The following PARD3B variants were observed in gnomAD, a reference collection of about 807,000 sequenced individuals.
PARD3B encodes par-3 family cell polarity regulator beta, also known as partitioning defective 3 homolog B.
A neutral mutation model predicts 130.2 loss-of-function variants in PARD3B; 103 were observed. The observed-to-expected ratio is 0.79, with a 90% CI of 0.67 to 0.93. The LOEUF (loss-of-function observed/expected upper bound fraction) is 0.93, where lower values mean the gene tolerates loss of function less well. Ranked by LOEUF, PARD3B falls within the 40% of genes least tolerant of loss-of-function variation. PARD3B has a pLI of 0.00. For missense variants in PARD3B, 1,609 were observed against 1,499.2 expected (o/e 1.07, Z -1.21); for synonymous variants, 583 against 553.2 (o/e 1.05, Z -0.76).
At position 205,418,285 on chromosome 2, in the gene PARD3B, G is replaced by T. The variant is rs568945828; in HGVS notation, c.2741+17162G>T. ...GATTTGGGTAGATATCTTCTGCTAT[G>T]ATTCACTTTTGACTTTTTAATTTTT... On this transcript the variant is annotated intron_variant, in intron 19 of 22. Transcript: ENST00000406610. Among the ~76,000 whole-genome samples the T allele has an allele frequency of 2.0e-5, 3 of 152,238 alleles. No homozygotes were observed. In the South Asian group the frequency reaches 6.2e-4, roughly 32 times the overall value.
chr2:204,948,091 A>G lies in PARD3B; in HGVS notation c.223-17061A>G, dbSNP rs539619346. ...TGTAAGGTAGGATGACTTCCAATAC[A>G]TATGTGTTGGTATGTGTTGATTTTT... On this transcript the variant is annotated intron_variant, in intron 2 of 22. Coordinates refer to ENST00000406610, the MANE Select transcript of PARD3B (RefSeq NM_001302769.2). 9.9e-5 allele frequency among the ~76,000 whole-genome samples: 15 copies of G among 152,280 alleles called. No individual in the cohort carries two copies. The South Asian group carries it at 2.9e-3, about 29-fold the overall frequency.
In PARD3B at chr2:205,302,065, CTTTTTT is replaced by C. The variant is rs3048088; in HGVS notation, c.2630+382_2630+387del. 1.3e-4 allele frequency among the ~76,000 whole-genome samples: 10 copies of C among 77,780 alleles called. No individual in the cohort carries two copies. The South Asian group carries it at 4.2e-3, about 33-fold the overall frequency. The allele number at this position is 77,780 out of a possible 152,430, so 51.0% of individuals were successfully genotyped here. A position where few individuals can be genotyped will look rare whatever the true frequency, so the allele number is the denominator to read the frequency against. Reference sequence around the variant, plus strand: ...CTATTCTTTTTTTCTTTTTTCTTTTCTTTTTTTTTTTTTTTTTTTTTTTGAGACAGT... The same window carrying C: ...CTATTCTTTTTTTCTTTTTTCTTTTCTTTTTTTTTTTTTTTTTGAGACAGT... On this transcript the variant is annotated intron_variant, in intron 18 of 22. Coordinates refer to ENST00000406610, the MANE Select transcript of PARD3B (RefSeq NM_001302769.2).
intron 3 of PARD3B, among the ~76,000 whole-genome samples, chr2:205,002,525 A>G (rs2125284684): frequency 6.6e-6 from 1 of 152,190 alleles, no homozygotes; most frequent in East Asian, 1.9e-4. Flanking sequence ...TGCTGTCCTG[A>G]AGCAGTGCCT....
At chr2:205,185,106 A>G (rs762836278) in intron 13 of PARD3B, among the ~76,000 whole-genome samples, 1 of 152,226 alleles carries the variant, frequency 6.6e-6, no homozygotes, top group Admixed American at 6.5e-5. Context: ...TTAGAGATAC[A>G]TGTCTATTCT....
At chr2:204,862,856 A>T (rs1430290506) in intron 2 of PARD3B, among the ~76,000 whole-genome samples, 1 of 152,208 alleles carries the variant, frequency 6.6e-6, no homozygotes, top group Non-Finnish European at 1.5e-5. Context: ...AAAACAAAAA[A>T]ATAACACTCA....
At chr2:205,077,186 A>G (rs1701119913) in intron 4 of PARD3B, among the ~76,000 whole-genome samples, 2 of 152,152 alleles carry the variant, frequency 1.3e-5, no homozygotes, top group Non-Finnish European at 2.9e-5. Context: ...AGGGAGGAGT[A>G]TTGTCATTTC....
intron 1 of PARD3B, among the ~76,000 whole-genome samples, chr2:204,584,321 A>T (rs757869514): frequency 5.1e-4 from 78 of 152,184 alleles, no homozygotes; most frequent in Non-Finnish European, 9.3e-4. Context: ...GAATATTTAG[A>T]CATTGAGTAT....
chr2:204,968,226 A>G (rs1691421881), intron 3 of PARD3B, among the ~76,000 whole-genome samples: 1 of 152,200 alleles, frequency 6.6e-6, no homozygotes, highest in Admixed American at 6.5e-5. Flanking sequence ...AGGAATCAAG[A>G]GATTTTTGTG....
intron 2 of PARD3B, among the ~76,000 whole-genome samples, chr2:204,827,613 G>T (rs1422979513): frequency 2.0e-5 from 3 of 152,128 alleles, no homozygotes; most frequent in African/African-American, 7.2e-5. Flanking sequence ...GTTGACATGT[G>T]GAAGAACAGT....
intron 2 of PARD3B, among the ~76,000 whole-genome samples, chr2:204,841,861 G>GT (rs557060055): frequency 2.9e-4 from 44 of 150,554 alleles, no homozygotes; most frequent in East Asian, 5.8e-4. Context: ...TTTTGGTGGG[G>GT]TTTTTTTTTG....
chr2:205,141,533 C>G (rs1401737192), intron 10 of PARD3B, among the ~76,000 whole-genome samples: 8 of 152,128 alleles, frequency 5.3e-5, no homozygotes, highest in Non-Finnish European at 1.2e-4. Flanking sequence ...TTTACTCCAC[C>G]CCATATCAAA....
chr2:204,855,319 T>C (rs11884417), intron 2 of PARD3B, among the ~76,000 whole-genome samples: 151,966 of 152,128 alleles, frequency 1, 75,906 homozygotes, highest in Non-Finnish European at 1. Context: ...CCAAGCTGGG[T>C]GGATCGTGAG....
chr2:205,296,890 T>A (rs958446707), intron 16 of PARD3B, among the ~76,000 whole-genome samples: 7 of 149,032 alleles, frequency 4.7e-5, no homozygotes, highest in African/African-American at 1.3e-4. Flanking sequence ...AAAAAAAAAA[T>A]ATGTGGCATT....
At chr2:204,895,649 C>T (rs958383319) in intron 2 of PARD3B, among the ~76,000 whole-genome samples, 4 of 151,924 alleles carry the variant, frequency 2.6e-5, no homozygotes, top group South Asian at 4.1e-4. Flanking sequence ...TGAGCTCCCC[C>T]GCCAAAAAAA....
At chr2:204,621,965 G>A (rs547536332) in intron 1 of PARD3B, among the ~76,000 whole-genome samples, 5 of 152,282 alleles carry the variant, frequency 3.3e-5, no homozygotes, top group African/African-American at 1.2e-4. Context: ...TTATCAGGGA[G>A]AACTGGTTAT....
At position 205,142,818 on chromosome 2, in the gene PARD3B, C is replaced by T. The variant is rs2033070755; in HGVS notation, c.1435-15904C>T. Among the ~76,000 whole-genome samples, 2 of 151,900 alleles carry T rather than the reference C, an allele frequency of 1.3e-5. No homozygotes were observed. The highest frequency in any genetic ancestry group is 4.8e-5 in the African/African-American group (2 of 41,326). ...GTTTGAACCCGGGAGGCAGAGGTTG[C>T]AGTGAGCCGAGATCACGCCATTGCA... On this transcript the variant is annotated intron_variant, in intron 10 of 22. Coordinates refer to ENST00000406610, the MANE Select transcript of PARD3B (RefSeq NM_001302769.2). This position sits in a 1 kb window ranked among gnomAD's most constrained non-coding sequence, Gnocchi z 4.3.
chr2:205,411,538 G>A (rs1237877846), intron 19 of PARD3B, among the ~76,000 whole-genome samples: 2 of 152,080 alleles, frequency 1.3e-5, no homozygotes, highest in Non-Finnish European at 2.9e-5. Flanking sequence ...TACGAAGCAC[G>A]CACTGGTTCA....
intron 4 of PARD3B, among the ~76,000 whole-genome samples, chr2:205,077,106 A>G (rs1002989451): frequency 2.2e-4 from 33 of 152,228 alleles, no homozygotes; most frequent in Admixed American, 2.0e-3. Flanking sequence ...ATCTTTGTCT[A>G]TATATAGATA....
At chr2:204,996,463 G>T (rs1392887242) in intron 3 of PARD3B, among the ~76,000 whole-genome samples, 1 of 152,174 alleles carries the variant, frequency 6.6e-6, no homozygotes. Flanking sequence ...TGCGTGCTGG[G>T]AGAACCACTG....
Sources: allele counts gnomAD v4.1 joint callset (sites outside exome capture counted in the v4.1 genomes callset), GRCh38; gene constraint gnomAD v4.1.1; non-coding constraint Gnocchi (gnomAD v3.1); transcripts MANE v1.5; gene names NCBI Gene and HGNC (gene_info 2026-07-23, HGNC 2026-07-21).